Variants in IVNS1ABP observed in about 807,000 individuals in gnomAD.
IVNS1ABP encodes the protein influenza virus NS1A binding protein, also known as influenza virus NS1A-binding protein.
A neutral mutation model predicts 78.9 loss-of-function variants in IVNS1ABP; 25 were observed. That is an observed-to-expected ratio of 0.32 (90% CI 0.23 to 0.44). The LOEUF (loss-of-function observed/expected upper bound fraction) is 0.44. Among genes scored for constraint, IVNS1ABP ranks in the 20% least tolerant of loss-of-function variants. IVNS1ABP has a pLI of 1.00. For synonymous variants in IVNS1ABP, 241 were observed against 259.7 expected, an observed-to-expected ratio of 0.93 and a Z score of 0.69; for missense variants, 494 against 768.9, an observed-to-expected ratio of 0.64 and a Z score of 4.23.
chr1:185,299,350 A>G (rs1438732314), intron 14 of IVNS1ABP: 1 of 278,960 alleles, frequency 3.6e-6, no homozygotes, highest in Non-Finnish European at 6.9e-6. Context: ...GTTGGAAAAG[A>G]CTAGGGATTT....
chr1:185,308,366 G>C (rs539754653), intron 5 of IVNS1ABP, among the ~76,000 whole-genome samples: 1 of 152,272 alleles, frequency 6.6e-6, no homozygotes, highest in East Asian at 1.9e-4. Flanking sequence ...TAGGCCTTAA[G>C]TTTACTGACC....
At position 185,309,125 on chromosome 1, in the gene IVNS1ABP, G is replaced by A; in HGVS notation, c.159C>T (p.Cys53=). 1.2e-6 allele frequency: 2 copies of A among 1,612,002 alleles called. No homozygotes were observed. The highest frequency in any genetic ancestry group is 2.2e-5 in the East Asian group (1 of 44,834). Residue 53 remains cysteine (C), a synonymous_variant, in exon 4 of 15, where the codon TGC becomes TGT. Coordinates refer to ENST00000367498, the MANE Select transcript of IVNS1ABP (RefSeq NM_006469.5). ...TAAAGATTTCAAATAAATAGGGACT[G>A]CAGCAAGCTAGCACTGCTCTGTGTG... is the stretch of plus-strand genomic sequence containing the variant. ...MLAHRAVLAC[C]SPYLFEIFNS... is the part of the protein sequence containing the mutation.
At position 185,305,094 on chromosome 1, in the gene IVNS1ABP, C is replaced by T. The variant is rs1665700867; in HGVS notation, c.765+442G>A. ...TTTAGACTTATTACATTGTATAGTC[C>T]ATCTTAACTATACCATTTCTAATTT... On this transcript the variant is annotated intron_variant, in intron 8 of 14. Coordinates refer to ENST00000367498, the MANE Select transcript of IVNS1ABP (RefSeq NM_006469.5). The surrounding 1 kb of genome is among the most constrained non-coding windows in gnomAD (Gnocchi z 4.0). Among the ~76,000 whole-genome samples the T allele has an allele frequency of 6.6e-6, 1 of 152,020 alleles. No individual in the cohort carries two copies. Among genetic ancestry groups the T allele is most frequent in the Admixed American group, 6.6e-5 (1 of 15,242 alleles).
chr1:185,304,156 C>G (rs1243185946), intron 8 of IVNS1ABP, among the ~76,000 whole-genome samples: 1 of 151,974 alleles, frequency 6.6e-6, no homozygotes, highest in Non-Finnish European at 1.5e-5. Flanking sequence ...CTCACTGTGT[C>G]CTCTCCTTTA....
At position 185,308,712 on chromosome 1, in the gene IVNS1ABP, A is replaced by G. The variant is rs1665806475; in HGVS notation, c.357+88T>C. On this transcript the variant is annotated intron_variant, in intron 5 of 14. Transcript: ENST00000367498. Reference sequence around the variant, plus strand: ...AAAGGGACATGTTCAAGTCCTTGAAACTAACAAGATGTTTTATGACAAATT... The same window carrying G: ...AAAGGGACATGTTCAAGTCCTTGAAGCTAACAAGATGTTTTATGACAAATT... 3.1e-6 allele frequency: 3 copies of G among 969,904 alleles called. No individual in the cohort carries two copies. The South Asian group carries it at 4.3e-5, about 14-fold the overall frequency. The allele number at this position is 969,904 out of a possible 1,614,324, so 60.1% of individuals were successfully genotyped here.
At chr1:185,308,022 A>C (rs571667024) in intron 5 of IVNS1ABP, 209 of 1,549,432 alleles carry the variant, frequency 1.3e-4, no homozygotes, top group Non-Finnish European at 1.7e-4. Flanking sequence ...AAGATGCTGC[A>C]AACAATTTAA....
chr1:185,315,654 T>C (rs892262967), intron 1 of IVNS1ABP, among the ~76,000 whole-genome samples: 1 of 152,212 alleles, frequency 6.6e-6, no homozygotes, highest in African/African-American at 2.4e-5. Context: ...CAACTACTCT[T>C]TCAGTATCTT....
chr1:185,305,560 A>G lies in IVNS1ABP; in HGVS notation c.741T>C (p.Asp247=), dbSNP rs758990449. 4 of 1,613,154 alleles carry G rather than the reference A, an allele frequency of 2.5e-6. No homozygotes were observed. The Admixed American group carries it at 5.0e-5, about 20-fold the overall frequency. ...LDGQAEVFGS[D]DDHIQFVQKK... ...CCTGCACAAACTGAATGTGGTCATC[A>G]TCACTGCCAAACACCTCAGCCTGTC... Residue 247 remains aspartate, a synonymous_variant, in exon 8 of 15, where the codon GAT becomes GAC. Transcript: ENST00000367498. This position sits in a 1 kb window ranked among gnomAD's most constrained non-coding sequence, Gnocchi z 4.0.
chr1:185,312,409 C>G (rs1345515119), intron 1 of IVNS1ABP, among the ~76,000 whole-genome samples: 1 of 152,182 alleles, frequency 6.6e-6, no homozygotes, highest in Non-Finnish European at 1.5e-5. Flanking sequence ...TTATGGATAT[C>G]TTAAGATTAT....
intron 5 of IVNS1ABP, among the ~76,000 whole-genome samples, chr1:185,308,426 G>A (rs1665796024): frequency 1.3e-5 from 2 of 152,150 alleles, no homozygotes; most frequent in South Asian, 4.1e-4. Flanking sequence ...ACTTTTTACT[G>A]GCATTAAATT....
At chr1:185,300,380 C>T (rs1166238578) in intron 11 of IVNS1ABP, 37 bp from the exon 12 acceptor site, 1 of 1,613,380 alleles carries the variant, frequency 6.2e-7, no homozygotes, top group African/African-American at 1.3e-5. Flanking sequence ...TTCTAACATC[C>T]TGAAGTTACG....
Position 185,317,211 on chromosome 1 carries a change from G to A in IVNS1ABP, c.-505C>T, listed in dbSNP as rs1005171575. The A allele has an allele frequency of 8.0e-4, 320 of 398,202 alleles. 2 individuals are homozygous for A. Among genetic ancestry groups the A allele is most frequent in the Non-Finnish European group, 2.4e-4 (55 of 225,998 alleles). 24.7% of individuals were successfully genotyped at this position (398,202 alleles called of 1,614,324 possible). A position where few individuals can be genotyped will look rare whatever the true frequency, so the allele number is the denominator to read the frequency against. The stretch of plus-strand genomic sequence containing the variant: ...GAGAAACTGCGCCCAGCAGCTCTGA[G>A]CGACCGACCTCCACGCGCGACCGGG... On this transcript the variant is annotated 5_prime_UTR_variant, in exon 1 of 15. Transcript: ENST00000367498.
Position 185,298,063 on chromosome 1 carries a change from C to T in IVNS1ABP, c.1901G>A (p.Ser634Asn), listed in dbSNP as rs373219611. The change falls in exon 15 of 15, where the codon AGC becomes AAC. Residue 634 changes from serine to asparagine, a missense_variant. Coordinates refer to ENST00000367498, the MANE Select transcript of IVNS1ABP (RefSeq NM_006469.5). This position sits in a 1 kb window ranked among gnomAD's most constrained non-coding sequence, Gnocchi z 4.1. ...AAACTGGAAAATCTTTGTATAGGGG[C>T]TCCATTCATTTGACTCAAGGTTATA... ...EVYNLESNEW[S>N]PYTKIFQF The T allele has an allele frequency of 1.2e-6, 2 of 1,613,422 alleles. No homozygotes were observed. The highest frequency in any genetic ancestry group is 1.7e-6 in the Non-Finnish European group (2 of 1,179,672).
chr1:185,297,609 T>C lies in IVNS1ABP; in HGVS notation c.*426A>G, dbSNP rs1665452794. 5.9e-6 allele frequency: 1 copy of C among 169,056 alleles called. No individual in the cohort carries two copies. Among genetic ancestry groups the C allele is most frequent in the Non-Finnish European group, 1.3e-5 (1 of 77,842 alleles). The allele number at this position is 169,056 out of a possible 1,614,324, so 10.5% of individuals were successfully genotyped here. On this transcript the variant is annotated 3_prime_UTR_variant, in exon 15 of 15. Transcript: ENST00000367498. Reference sequence around the variant, plus strand: ...CTATTTAAATAAGTATCCTTTGTTATAGAGTGTTCCAGTTATTGAAAAAGG... The same window carrying C: ...CTATTTAAATAAGTATCCTTTGTTACAGAGTGTTCCAGTTATTGAAAAAGG...
chr1:185,307,970 C>T (rs1665783681), intron 5 of IVNS1ABP: 1 of 1,549,492 alleles, frequency 6.5e-7, no homozygotes, highest in Non-Finnish European at 8.7e-7. Flanking sequence ...CTGGGCTCTA[C>T]AGGAGAGATG....
At chr1:185,300,675 G>A in intron 10 of IVNS1ABP, 117 bp from the exon 11 acceptor site, 1 of 1,082,872 alleles carries the variant, frequency 9.2e-7, no homozygotes, top group Non-Finnish European at 1.3e-6. Flanking sequence ...AACTTTTTAA[G>A]GATGCCTTAG....
At chr1:185,299,926 ACT>A (rs778228194) in intron 13 of IVNS1ABP, 43 bp from the exon 14 acceptor site, 2 of 1,612,334 alleles carry the variant, frequency 1.2e-6, no homozygotes, top group South Asian at 2.2e-5. Context: ...CATCTCCCAG[ACT>A]CTAAGTGTAT....
Position 185,317,029 on chromosome 1 carries a change from G to C in IVNS1ABP, c.-323C>G. On this transcript the variant is annotated 5_prime_UTR_variant, in exon 1 of 15. Transcript: ENST00000367498. Reference sequence around the variant, plus strand: ...AAGCAGGAGGAAGCGGGCGGGAATCGGCCCAACGGAAAGCGCCAGAAGGCG... The same window carrying C: ...AAGCAGGAGGAAGCGGGCGGGAATCCGCCCAACGGAAAGCGCCAGAAGGCG... The C allele has an allele frequency of 2.5e-6, 1 of 398,834 alleles. No homozygotes were observed. 24.7% of individuals were successfully genotyped at this position (398,834 alleles called of 1,614,324 possible).
At chr1:185,299,621 C>CA in intron 14 of IVNS1ABP, 89 bp downstream of exon 14, 2 of 1,205,092 alleles carry the variant, frequency 1.7e-6, no homozygotes, top group Non-Finnish European at 2.5e-6. Flanking sequence ...CTTAACTGTA[C>CA]AACTATAGTC....
Sources: allele counts gnomAD v4.1 joint callset (sites outside exome capture counted in the v4.1 genomes callset), GRCh38; gene constraint gnomAD v4.1.1; non-coding constraint Gnocchi (gnomAD v3.1); transcripts MANE v1.5; gene names NCBI Gene and HGNC (gene_info 2026-07-23, HGNC 2026-07-21).